Variants in AFF3 observed in about 807,000 individuals in gnomAD.
The protein encoded by AFF3 is AF4/FMR2 family member 3.
Under a neutral mutation model 129.7 loss-of-function variants are expected in AFF3, and 32 were observed. The observed-to-expected ratio is 0.25, with a 90% CI of 0.19 to 0.33. The LOEUF is 0.33. Ranked by LOEUF, AFF3 falls within the 10% of genes least tolerant of loss-of-function variation. The pLI is 1.00. For synonymous variants in AFF3, 644 were observed against 635.4 expected (o/e 1.01, Z -0.20); for missense variants, 1,373 against 1,592.0 (o/e 0.86, Z 2.34).
rs558731810 is a variant in AFF3 at position 99,787,064 on chromosome 2, C to T, written c.922-34763G>A. On this transcript the variant is annotated intron_variant, in intron 8 of 24. Coordinates refer to ENST00000672756, the MANE Select transcript of AFF3 (RefSeq NM_001386135.1). ...TAATAGTATTAAATGGGCAAAAATG[C>T]CCTTGGCCTTTACATGCTCATTTAA... 2.6e-5 allele frequency among the ~76,000 whole-genome samples: 4 copies of T among 152,098 alleles called. No individual in the cohort carries two copies. The South Asian group carries it at 8.3e-4, about 32-fold the overall frequency.
At chr2:99,690,036 G>C (rs570699049) in intron 11 of AFF3, among the ~76,000 whole-genome samples, 4 of 148,332 alleles carry the variant, frequency 2.7e-5, no homozygotes, top group Non-Finnish European at 4.5e-5. Flanking sequence ...GCAGTGAGCC[G>C]AGATCACACG....
chr2:99,567,824 C>T (rs2104654897), intron 19 of AFF3, among the ~76,000 whole-genome samples: 1 of 152,300 alleles, frequency 6.6e-6, no homozygotes, highest in African/African-American at 2.4e-5. Context: ...ATGCTGTAAA[C>T]TTTAGATGCT....
intron 5 of AFF3, chr2:100,007,814 A>C (rs917115681): frequency 8.7e-6 from 2 of 228,892 alleles, no homozygotes; most frequent in Non-Finnish European, 1.7e-5. Context: ...GTCTCTACTA[A>C]AAATACAAAA....
Position 99,718,721 on chromosome 2 carries a change from T to G in AFF3, c.1091+8356A>C, listed in dbSNP as rs1678602144. 2.0e-5 allele frequency among the ~76,000 whole-genome samples: 3 copies of G among 152,248 alleles called. 1 individual carries two copies. The South Asian group carries it at 6.2e-4, about 32-fold the overall frequency. On this transcript the variant is annotated intron_variant, in intron 11 of 24. Transcript: ENST00000672756. ...TAGGAAGAAGTGCTTGGAAATTCACTATTGAATATGAATTTAGCAGTAGGT... is the reference window on the plus strand; with the variant it reads ...TAGGAAGAAGTGCTTGGAAATTCACGATTGAATATGAATTTAGCAGTAGGT...
chr2:99,856,913 C>T (rs1305125128), intron 7 of AFF3, among the ~76,000 whole-genome samples: 5 of 152,012 alleles, frequency 3.3e-5, no homozygotes, highest in Non-Finnish European at 5.9e-5. Flanking sequence ...TGACATGGGG[C>T]ATATAGGAGA....
chr2:99,988,507 G>A (rs1241042594), intron 7 of AFF3, among the ~76,000 whole-genome samples: 1 of 152,166 alleles, frequency 6.6e-6, no homozygotes, highest in East Asian at 1.9e-4. Flanking sequence ...TTCTCTTCTA[G>A]GTTAGTGTTT....
intron 7 of AFF3, among the ~76,000 whole-genome samples, chr2:99,954,204 A>G (rs1676418270): frequency 6.6e-6 from 1 of 152,172 alleles, no homozygotes; most frequent in Non-Finnish European, 1.5e-5. Flanking sequence ...ATGCAGGGAC[A>G]TAAAAATGCA....
At chr2:100,013,638 G>GTT (rs1385662338) in intron 4 of AFF3, among the ~76,000 whole-genome samples, 13 of 152,142 alleles carry the variant, frequency 8.5e-5, no homozygotes, top group African/African-American at 2.9e-4. Flanking sequence ...TAGTTAACAT[G>GTT]AGCCCCAGAG....
chr2:99,912,459 C>T (rs1695166589), intron 7 of AFF3, among the ~76,000 whole-genome samples: 1 of 152,136 alleles, frequency 6.6e-6, no homozygotes, highest in African/African-American at 2.4e-5. Flanking sequence ...TGTATGTCCC[C>T]ATTAAAACCC....
chr2:99,780,648 C>T (rs1036117299), intron 8 of AFF3, among the ~76,000 whole-genome samples: 22 of 152,164 alleles, frequency 1.4e-4, no homozygotes, highest in African/African-American at 5.3e-4. Flanking sequence ...CCACCACAAA[C>T]CTGCTTTTTC....
chr2:99,661,931 G>GA (rs1325349716), intron 12 of AFF3, among the ~76,000 whole-genome samples: 1 of 152,198 alleles, frequency 6.6e-6, no homozygotes, highest in African/African-American at 2.4e-5. Flanking sequence ...CCTGAGGTCA[G>GA]AAGTTTGAGA....
At chr2:99,728,438 C>A (rs1679540513) in intron 10 of AFF3, among the ~76,000 whole-genome samples, 1 of 152,202 alleles carries the variant, frequency 6.6e-6, no homozygotes, top group Non-Finnish European at 1.5e-5. Flanking sequence ...CCCCTTTTGT[C>A]AGCTGTCAAC....
At chr2:99,672,116 G>A (rs1244486922) in intron 12 of AFF3, among the ~76,000 whole-genome samples, 1 of 150,650 alleles carries the variant, frequency 6.6e-6, no homozygotes, top group African/African-American at 2.4e-5. Context: ...GTTACGGATT[G>A]CCTGTTGCAT....
At chr2:99,837,402 T>C in intron 8 of AFF3, 75 bp downstream of exon 8, 1 of 1,394,380 alleles carries the variant, frequency 7.2e-7, no homozygotes, top group Non-Finnish European at 1.0e-6. Flanking sequence ...TCCTTTATCA[T>C]GGAGCCGCAG....
In AFF3 at chr2:99,788,625, A is replaced by C. The variant is rs185217002; in HGVS notation, c.922-36324T>G. Among the ~76,000 whole-genome samples, 453 of 152,358 alleles carry C rather than the reference A, an allele frequency of 3.0e-3. 2 individuals carry two copies. The highest frequency in any genetic ancestry group is 0.01 in the African/African-American group (434 of 41,570). On this transcript the variant is annotated intron_variant, in intron 8 of 24. Transcript: ENST00000672756. Reference sequence around the variant, plus strand: ...TGTATAAAGTAAAAAGGTTACAGTAAGAATAGGCTAAGGTTAATTTATTAC... The same window carrying C: ...TGTATAAAGTAAAAAGGTTACAGTACGAATAGGCTAAGGTTAATTTATTAC...
At chr2:99,830,533 T>C (rs1558892738) in intron 8 of AFF3, among the ~76,000 whole-genome samples, 1 of 152,080 alleles carries the variant, frequency 6.6e-6, no homozygotes, top group Non-Finnish European at 1.5e-5. Context: ...AGGTGGATCA[T>C]GTGAGGTCAG....
chr2:99,554,036 T>C (rs148519176), intron 24 of AFF3, among the ~76,000 whole-genome samples: 173 of 149,726 alleles, frequency 1.2e-3, no homozygotes, highest in African/African-American at 4.0e-3. Flanking sequence ...TGGAAAAAAA[T>C]TGGAAGGAAC....
intron 13 of AFF3, among the ~76,000 whole-genome samples, chr2:99,619,118 A>G (rs560290065): frequency 6.6e-6 from 1 of 152,366 alleles, no homozygotes; most frequent in African/African-American, 2.4e-5. Flanking sequence ...GAGAGATGGC[A>G]GTGCCCAGAT....
At chr2:99,787,655 T>G (rs1242350408) in intron 8 of AFF3, among the ~76,000 whole-genome samples, 2 of 152,194 alleles carry the variant, frequency 1.3e-5, no homozygotes, top group African/African-American at 4.8e-5. Flanking sequence ...TCTACGTACT[T>G]CTGACTGGAG....
Sources: allele counts gnomAD v4.1 joint callset (sites outside exome capture counted in the v4.1 genomes callset), GRCh38; gene constraint gnomAD v4.1.1; transcripts MANE v1.5; gene names NCBI Gene and HGNC (gene_info 2026-07-23, HGNC 2026-07-21).